AGBL4: variants seen among roughly 807,000 people sequenced by gnomAD.
AGBL4 encodes AGBL carboxypeptidase 4.
In AGBL4, 58 loss-of-function variants were observed where a neutral mutation model predicts 66.4. That is an observed-to-expected ratio of 0.87 (90% CI 0.71 to 1.09). The LOEUF is 1.09. AGBL4 is among the 50% of genes least tolerant of loss of function. The pLI, the probability that AGBL4 is intolerant of heterozygous loss-of-function variation, is 0.00. For missense variants in AGBL4, 579 were observed against 631.0 expected (o/e 0.92, Z 0.88); for synonymous variants, 234 against 222.9 (o/e 1.05, Z -0.44).
intron 1 of AGBL4, among the ~76,000 whole-genome samples, chr1:49,948,017 A>AATAT (rs1240822385): frequency 3.2e-4 from 7 of 22,020 alleles, no homozygotes; most frequent in African/African-American, 1.7e-3. Flanking sequence ...TAAATATATA[A>AATAT]ATATATATAA....
chr1:49,370,975 A>C (rs1427122696), intron 3 of AGBL4, among the ~76,000 whole-genome samples: 1 of 152,026 alleles, frequency 6.6e-6, no homozygotes, highest in East Asian at 1.9e-4. Context: ...AAAACACCAA[A>C]TGCTCCTACA....
In AGBL4 at chr1:48,928,119, CCTTT is replaced by C. The variant is rs577453664; in HGVS notation, c.595-60893_595-60890del. On this transcript the variant is annotated intron_variant, in intron 5 of 13. Coordinates refer to ENST00000371839, the MANE Select transcript of AGBL4 (RefSeq NM_032785.4). ...CTATACCAAGAATGCCACCTCTCCTCCTTTCTTCTCAGCTTCTGCGAGAAGCATC... is the reference window on the plus strand; with the variant it reads ...CTATACCAAGAATGCCACCTCTCCTCCTTCTCAGCTTCTGCGAGAAGCATC... Among the ~76,000 whole-genome samples the C allele has an allele frequency of 1.8e-3, 277 of 152,316 alleles. 1 individual carries two copies. Among genetic ancestry groups the C allele is most frequent in the African/African-American group, 6.4e-3 (265 of 41,570 alleles).
intron 1 of AGBL4, among the ~76,000 whole-genome samples, chr1:49,942,993 G>A (rs1244015420): frequency 6.6e-6 from 1 of 152,068 alleles, no homozygotes; most frequent in Non-Finnish European, 1.5e-5. Context: ...TTTTCAAAAT[G>A]AGCCAAGGAC....
intron 6 of AGBL4, among the ~76,000 whole-genome samples, chr1:48,801,431 C>T (rs536689666): frequency 1.3e-5 from 2 of 152,290 alleles, no homozygotes; most frequent in South Asian, 2.1e-4. Flanking sequence ...CCTTGTGACC[C>T]CTCCCTAGTT....
chr1:48,793,034 T>C (rs1645588900), intron 6 of AGBL4, among the ~76,000 whole-genome samples: 1 of 152,230 alleles, frequency 6.6e-6, no homozygotes, highest in Non-Finnish European at 1.5e-5. Context: ...CATGACGAAC[T>C]CTTGGAAATT....
intron 3 of AGBL4, among the ~76,000 whole-genome samples, chr1:49,432,299 G>A (rs1457201580): frequency 6.6e-6 from 1 of 152,160 alleles, no homozygotes; most frequent in Non-Finnish European, 1.5e-5. Flanking sequence ...AGGTATATAA[G>A]CTCTGGAAAA....
At chr1:49,587,405 G>A (rs1644671616) in intron 3 of AGBL4, among the ~76,000 whole-genome samples, 1 of 152,178 alleles carries the variant, frequency 6.6e-6, no homozygotes, top group Admixed American at 6.5e-5. Context: ...TGTTCCCATA[G>A]CTCATGCTGC....
intron 12 of AGBL4, 95 bp downstream of exon 12, chr1:48,539,547 G>C: frequency 1.1e-6 from 1 of 938,636 alleles, no homozygotes; most frequent in Non-Finnish European, 1.5e-6. Context: ...GCACAGATGG[G>C]ATGCTGAGTG....
chr1:48,882,952 C>G (rs888390108), intron 5 of AGBL4, among the ~76,000 whole-genome samples: 2 of 152,162 alleles, frequency 1.3e-5, no homozygotes, highest in African/African-American at 4.8e-5. Context: ...GGAGTTCCTT[C>G]TTTTTAAAGA....
chr1:49,658,461 G>A (rs890435951), intron 3 of AGBL4, among the ~76,000 whole-genome samples: 1 of 152,104 alleles, frequency 6.6e-6, no homozygotes, highest in Non-Finnish European at 1.5e-5. Context: ...GATTCCTCAG[G>A]GATCTAGAAC....
At chr1:49,005,527 G>T (rs1227138083) in intron 5 of AGBL4, among the ~76,000 whole-genome samples, 2 of 152,128 alleles carry the variant, frequency 1.3e-5, no homozygotes, top group Non-Finnish European at 2.9e-5. Flanking sequence ...TGGAATCACA[G>T]TGCTTGTATT....
At chr1:49,094,812 A>G (rs1004356553) in intron 4 of AGBL4, among the ~76,000 whole-genome samples, 3 of 152,190 alleles carry the variant, frequency 2.0e-5, no homozygotes, top group African/African-American at 7.2e-5. Flanking sequence ...CTCCTATTCA[A>G]CATAGTGTTG....
chr1:49,157,176 C>T (rs1323765083), intron 4 of AGBL4, among the ~76,000 whole-genome samples: 2 of 151,926 alleles, frequency 1.3e-5, no homozygotes, highest in Non-Finnish European at 2.9e-5. Flanking sequence ...TGGTGGTTTG[C>T]TGCAACCTTC....
chr1:48,809,323 G>T (rs1350309095), intron 6 of AGBL4, among the ~76,000 whole-genome samples: 1 of 152,162 alleles, frequency 6.6e-6, no homozygotes, highest in Non-Finnish European at 1.5e-5. Context: ...GTGTGACTTT[G>T]GTTGTGATAG....
intron 11 of AGBL4, chr1:48,585,092 T>G (rs1265032362): frequency 6.6e-6 from 1 of 152,208 alleles, no homozygotes; most frequent in Non-Finnish European, 1.5e-5. Context: ...ACTAATGCTG[T>G]GTTTACTTTT....
intron 1 of AGBL4, among the ~76,000 whole-genome samples, chr1:49,875,364 A>T (rs1473736665): frequency 2.9e-5 from 3 of 104,934 alleles, no homozygotes; most frequent in African/African-American, 3.7e-5. Context: ...TGTCCATGTG[A>T]TCTCATTGTT....
chr1:49,612,859 G>C (rs539532106), intron 3 of AGBL4, among the ~76,000 whole-genome samples: 1 of 152,294 alleles, frequency 6.6e-6, no homozygotes, highest in African/African-American at 2.4e-5. Context: ...ACTGCCATTT[G>C]ACCTAGCAAT....
At chr1:49,937,582 A>G (rs902082065) in intron 1 of AGBL4, among the ~76,000 whole-genome samples, 6 of 152,210 alleles carry the variant, frequency 3.9e-5, no homozygotes, top group Admixed American at 2.0e-4. Flanking sequence ...TTGACCACAT[A>G]GTTGGAAGTA....
intron 3 of AGBL4, among the ~76,000 whole-genome samples, chr1:49,556,543 T>C (rs964394201): frequency 6.0e-5 from 9 of 151,028 alleles, no homozygotes; most frequent in South Asian, 2.1e-4. Context: ...TATAAACAAA[T>C]CTTTAGCTAG....
Sources: gnomAD v4.1 joint callset for allele counts (sites outside exome capture counted in the v4.1 genomes callset) on GRCh38, gnomAD v4.1.1 for gene constraint, MANE v1.5 for transcripts, NCBI Gene and HGNC (gene_info 2026-07-23, HGNC 2026-07-21) for gene names.